TDP1: variants seen among roughly 807,000 people sequenced by gnomAD.
TDP1 encodes the protein tyr-DNA phosphodiesterase 1.
Under a neutral mutation model 81.5 loss-of-function variants are expected in TDP1, and 64 were observed. The observed-to-expected ratio is 0.79, with a 90% CI of 0.64 to 0.97. TDP1 has a LOEUF of 0.97. TDP1 is among the 50% of genes least tolerant of loss of function. The probability of loss-of-function intolerance (pLI) is 0.00; values close to 1 mark genes in which losing one functional copy is unlikely to be tolerated. For missense variants in TDP1, 723 were observed against 743.8 expected (o/e 0.97, Z 0.33); for synonymous variants, 256 against 264.3 (o/e 0.97, Z 0.30).
Position 89,980,648 on chromosome 14 carries a change from C to A in TDP1, c.884+16C>A. On this transcript the variant is annotated intron_variant, in intron 8 of 16. Transcript: ENST00000335725. ...AAACTCAAGGGTTCGTAGGGGCCTG[C>A]TCACTTCCTGGCAGTGTGTGTGTTG... The A allele has an allele frequency of 6.3e-7, 1 of 1,599,502 alleles. No homozygotes were observed. Among genetic ancestry groups the A allele is most frequent in the Non-Finnish European group, 8.6e-7 (1 of 1,166,670 alleles).
At chr14:90,035,344 C>T (rs1200021566) in intron 16 of TDP1, among the ~76,000 whole-genome samples, 1 of 152,126 alleles carries the variant, frequency 6.6e-6, no homozygotes, top group Non-Finnish European at 1.5e-5. Context: ...ATCCCCTATG[C>T]CTTTCTGTTG....
chr14:89,967,764 A>G (rs548866182), intron 5 of TDP1, among the ~76,000 whole-genome samples: 20 of 152,338 alleles, frequency 1.3e-4, no homozygotes, highest in African/African-American at 4.6e-4. Context: ...CATGCCGCCA[A>G]CGTGCCATGC....
chr14:89,985,201 A>G lies in TDP1; in HGVS notation c.1122A>G (p.Arg374=), dbSNP rs148214612. Residue 374 remains arginine (R), a synonymous_variant, in exon 10 of 17, where the codon AGA becomes AGG. Coordinates refer to ENST00000335725, the MANE Select transcript of TDP1 (RefSeq NM_018319.4). ...AAAAAGATAATTGGGGACATTTTAG[A>G]CTTAAGAAGGTAACAGAACTTTTAC... ...GSQKDNWGHF[R]LKKLLKDHAS... 76 of 1,604,062 alleles carry G rather than the reference A, an allele frequency of 4.7e-5. No homozygotes were observed. In the African/African-American group the frequency reaches 7.2e-4, roughly 15 times the overall value.
At chr14:89,995,056 TACTA>T (rs1896547242) in intron 14 of TDP1, among the ~76,000 whole-genome samples, 1 of 152,286 alleles carries the variant, frequency 6.6e-6, no homozygotes, top group Non-Finnish European at 1.5e-5. Context: ...GAATGGCTGT[TACTA>T]AATTAAGCAA....
At chr14:89,975,865 C>T in intron 7 of TDP1, 50 bp downstream of exon 7, 2 of 1,465,308 alleles carry the variant, frequency 1.4e-6, no homozygotes, top group Non-Finnish European at 1.9e-6. Context: ...TGTCATTTGT[C>T]CATTACACGG....
At chr14:90,014,481 C>T (rs1197034323) in intron 14 of TDP1, among the ~76,000 whole-genome samples, 2 of 152,180 alleles carry the variant, frequency 1.3e-5, no homozygotes, top group Admixed American at 6.5e-5. Context: ...CCCTCCACGT[C>T]AGTACAGCTG....
intron 15 of TDP1, among the ~76,000 whole-genome samples, chr14:90,022,474 C>G (rs1249026665): frequency 6.6e-6 from 1 of 152,212 alleles, no homozygotes; most frequent in Admixed American, 6.5e-5. Context: ...CCAGTGACAC[C>G]TCAGGCCTAG....
At chr14:90,025,839 G>A (rs1886584651) in intron 15 of TDP1, among the ~76,000 whole-genome samples, 4 of 152,128 alleles carry the variant, frequency 2.6e-5, no homozygotes, top group Non-Finnish European at 4.4e-5. Context: ...CATTCCTTTG[G>A]TGTTTATTGA....
intron 14 of TDP1, among the ~76,000 whole-genome samples, chr14:89,997,632 G>A (rs771236063): frequency 2.0e-5 from 3 of 152,062 alleles, no homozygotes; most frequent in South Asian, 2.1e-4. Context: ...AGAATATAGC[G>A]GATCAACGCC....
chr14:89,955,036 T>G, upstream of TDP1: 7 of 267,586 alleles, frequency 2.6e-5, no homozygotes, highest in Admixed American at 5.3e-5. Context: ...CATCTTGCAA[T>G]AGGTTACTTT....
chr14:90,035,157 C>G (rs1440192960), intron 16 of TDP1, among the ~76,000 whole-genome samples: 1 of 152,166 alleles, frequency 6.6e-6, no homozygotes, highest in African/African-American at 2.4e-5. Context: ...TAAACCAAGC[C>G]TTCTCTGTCT....
chr14:89,956,076 G>A (rs1891546368), intron 1 of TDP1, 106 bp downstream of exon 1: 1 of 152,622 alleles, frequency 6.6e-6, no homozygotes, highest in Non-Finnish European at 1.5e-5. Context: ...GGGCTGCTGG[G>A]GTCCGGCAGG....
At chr14:89,976,228 C>G (rs1436331099) in intron 7 of TDP1, among the ~76,000 whole-genome samples, 2 of 151,990 alleles carry the variant, frequency 1.3e-5, no homozygotes, top group African/African-American at 4.8e-5. Context: ...ACCTCAGCCT[C>G]CCGAGCAGCT....
intron 5 of TDP1, among the ~76,000 whole-genome samples, chr14:89,967,648 A>G (rs745649444): frequency 6.6e-6 from 1 of 152,230 alleles, no homozygotes; most frequent in Non-Finnish European, 1.5e-5. Flanking sequence ...TCTTTCAGGA[A>G]GTAGATAAGG....
chr14:89,992,119 A>G, intron 13 of TDP1, 136 bp downstream of exon 13: 1 of 725,184 alleles, frequency 1.4e-6, no homozygotes, highest in Non-Finnish European at 2.2e-6. Flanking sequence ...TGTTAGTGAT[A>G]GAAATAATTT....
At chr14:89,986,128 TTTTTA>T (rs1895528144) in intron 10 of TDP1, among the ~76,000 whole-genome samples, 1 of 152,270 alleles carries the variant, frequency 6.6e-6, no homozygotes, top group Non-Finnish European at 1.5e-5. Context: ...TTAATGAAAC[TTTTTA>T]TTTTAATTTC....
intron 13 of TDP1, 44 bp downstream of exon 13, chr14:89,992,027 T>TAA: frequency 6.5e-7 from 1 of 1,536,152 alleles, no homozygotes; most frequent in Non-Finnish European, 9.0e-7. Context: ...CTTTAGGAAT[T>TAA]AGAGTGTTAT....
In TDP1 at chr14:89,993,499, A is replaced by G. The variant is rs1896401036; in HGVS notation, c.1541+16A>G. The G allele has an allele frequency of 3.1e-6, 5 of 1,611,530 alleles. No individual in the cohort carries two copies. The East Asian group carries it at 6.7e-5, about 22-fold the overall frequency. ...TTGTCACAAGGTAAATAGTCCTTAC[A>G]TTCCTGATGGGAGAAATCTTTTTAA... On this transcript the variant is annotated intron_variant, in intron 14 of 16. Transcript: ENST00000335725.
At chr14:89,970,797 C>A in intron 5 of TDP1, 1 of 949,538 alleles carries the variant, frequency 1.1e-6, no homozygotes, top group Non-Finnish European at 1.3e-6. Context: ...CTTAATGAGG[C>A]GAGTCCAGCT....
Sources: gnomAD v4.1 joint callset for allele counts (sites outside exome capture counted in the v4.1 genomes callset) on GRCh38, gnomAD v4.1.1 for gene constraint, MANE v1.5 for transcripts, NCBI Gene and HGNC (gene_info 2026-07-23, HGNC 2026-07-21) for gene names.